Variants in CNNM2 observed in about 807,000 individuals in gnomAD.
CNNM2 encodes the protein cyclin and CBS domain divalent metal cation transport mediator 2.
A neutral mutation model predicts 66.9 loss-of-function variants in CNNM2; 12 were observed. The observed-to-expected ratio is 0.18, with a 90% CI of 0.11 to 0.29. The LOEUF is 0.29. Ranked by LOEUF, CNNM2 falls within the 10% of genes least tolerant of loss-of-function variation. CNNM2 has a pLI of 1.00. For synonymous variants in CNNM2, 557 were observed against 501.8 expected (o/e 1.11, Z -1.47); for missense variants, 705 against 1,167.7 (o/e 0.60, Z 5.77).
Position 103,081,763 on chromosome 10 carries a change from T to C in CNNM2, c.*4583T>C, listed in dbSNP as rs1291598058. The C allele has an allele frequency of 6.6e-6, 1 of 152,216 alleles. No homozygotes were observed. The highest frequency in any genetic ancestry group is 2.4e-5 in the African/African-American group (1 of 41,446). 9.4% of individuals were successfully genotyped at this position (152,216 alleles called of 1,614,324 possible). The stretch of plus-strand genomic sequence containing the variant: ...GCCCATTTCCCTTTTGCTACCTTCT[T>C]TCCTATCTGGAGATTCATATTCTAG... On this transcript the variant is annotated 3_prime_UTR_variant, in exon 8 of 8. Coordinates refer to ENST00000369878, the MANE Select transcript of CNNM2 (RefSeq NM_017649.5).
At chr10:103,027,742 T>C (rs2064734733) in intron 1 of CNNM2, among the ~76,000 whole-genome samples, 1 of 152,230 alleles carries the variant, frequency 6.6e-6, no homozygotes, top group South Asian at 2.1e-4. Flanking sequence ...ACATTTGAGA[T>C]GATTTTTAGC....
chr10:102,986,168 G>T (rs1241014400), intron 1 of CNNM2, among the ~76,000 whole-genome samples: 1 of 152,104 alleles, frequency 6.6e-6, no homozygotes, highest in Non-Finnish European at 1.5e-5. Context: ...TGTGTAAAAG[G>T]CTTAGGGTAG....
chr10:103,076,337 T>A, intron 7 of CNNM2, 67 bp downstream of exon 7: 1 of 1,493,894 alleles, frequency 6.7e-7, no homozygotes, highest in Non-Finnish European at 9.1e-7. Context: ...GCAAATTGTC[T>A]GTTTTGCTCC....
chr10:102,952,176 A>C (rs1846863433), intron 1 of CNNM2, among the ~76,000 whole-genome samples: 1 of 151,694 alleles, frequency 6.6e-6, no homozygotes, highest in Non-Finnish European at 1.5e-5. Context: ...CCTGGGCTCA[A>C]ACAGTCGTCC....
At chr10:102,944,572 G>A (rs981480362) in intron 1 of CNNM2, among the ~76,000 whole-genome samples, 4 of 135,636 alleles carry the variant, frequency 2.9e-5, no homozygotes, top group Non-Finnish European at 4.7e-5. Flanking sequence ...TGCCATATTT[G>A]TATCTTTTCG....
intron 1 of CNNM2, among the ~76,000 whole-genome samples, chr10:102,971,408 GTTTTT>G (rs1193918638): frequency 6.6e-6 from 1 of 151,970 alleles, no homozygotes; most frequent in Non-Finnish European, 1.5e-5. Context: ...TTGTTTATTG[GTTTTT>G]TTAAGTGCCC....
At position 103,089,030 on chromosome 10, in the gene CNNM2, A is replaced by AAGGTAATAAGGATACTGTCTT. The variant is rs1448052750; in HGVS notation, c.*11851_*11871dup. ...AGCATTTGTGCTATTAAACAAACAAAAGGTAATAAGGATACTGTCTTTTCC... is the reference window on the plus strand; with the variant it reads ...AGCATTTGTGCTATTAAACAAACAAAAGGTAATAAGGATACTGTCTTAGGTAATAAGGATACTGTCTTTTCC... On this transcript the variant is annotated 3_prime_UTR_variant, in exon 8 of 8. Coordinates refer to ENST00000369878, the MANE Select transcript of CNNM2 (RefSeq NM_017649.5). 4.7e-6 allele frequency: 1 copy of AAGGTAATAAGGATACTGTCTT among 214,642 alleles called. No homozygotes were observed. Among genetic ancestry groups the AAGGTAATAAGGATACTGTCTT allele is most frequent in the Non-Finnish European group, 9.4e-6 (1 of 106,380 alleles). The allele number at this position is 214,642 out of a possible 1,614,324, so 13.3% of individuals were successfully genotyped here. A position where few individuals can be genotyped will look rare whatever the true frequency, so the allele number is the denominator to read the frequency against.
At chr10:103,037,612 A>G (rs1183970199) in intron 1 of CNNM2, among the ~76,000 whole-genome samples, 1 of 152,224 alleles carries the variant, frequency 6.6e-6, no homozygotes, top group Admixed American at 6.5e-5. Flanking sequence ...GATAGATAGC[A>G]TAGCCTCAAA....
intron 1 of CNNM2, among the ~76,000 whole-genome samples, chr10:103,003,890 A>G (rs566393057): frequency 6.6e-5 from 10 of 150,732 alleles, no homozygotes; most frequent in African/African-American, 2.4e-4. Context: ...TACAAGGTGT[A>G]TTCTTCTGAT....
At chr10:102,935,158 CAAA>C (rs71753183) in intron 1 of CNNM2, among the ~76,000 whole-genome samples, 9 of 82,480 alleles carry the variant, frequency 1.1e-4, no homozygotes, top group East Asian at 3.3e-4. Context: ...GACTCCATCT[CAAA>C]AAAAAAAAAA....
chr10:103,020,876 A>AT (rs1407348399), intron 1 of CNNM2, among the ~76,000 whole-genome samples: 1 of 152,178 alleles, frequency 6.6e-6, no homozygotes, highest in Non-Finnish European at 1.5e-5. Context: ...ATCTGTAAAG[A>AT]TATAGGTATT....
intron 1 of CNNM2, among the ~76,000 whole-genome samples, chr10:103,043,973 G>T (rs933265126): frequency 6.6e-6 from 1 of 152,170 alleles, no homozygotes; most frequent in Non-Finnish European, 1.5e-5. Flanking sequence ...CTTACAGCTT[G>T]CAAGAAAGGG....
chr10:102,956,149 G>A (rs1257593466), intron 1 of CNNM2, among the ~76,000 whole-genome samples: 5 of 152,168 alleles, frequency 3.3e-5, no homozygotes, highest in South Asian at 2.1e-4. Context: ...TTAGCCGGGC[G>A]TGGTGGCGGG....
intron 1 of CNNM2, among the ~76,000 whole-genome samples, chr10:102,975,102 C>G (rs1317547463): frequency 6.6e-6 from 1 of 152,112 alleles, no homozygotes; most frequent in East Asian, 1.9e-4. Context: ...AATTTAAAGA[C>G]TAATTTGCAG....
intron 1 of CNNM2, among the ~76,000 whole-genome samples, chr10:103,039,757 G>A (rs2065007129): frequency 1.3e-5 from 2 of 152,250 alleles, no homozygotes; most frequent in East Asian, 3.9e-4. Flanking sequence ...TATAAGGGCT[G>A]ACCCCTTCTT....
At chr10:103,055,157 C>T (rs1219319964) in intron 3 of CNNM2, among the ~76,000 whole-genome samples, 1 of 152,138 alleles carries the variant, frequency 6.6e-6, no homozygotes, top group African/African-American at 2.4e-5. Context: ...AGATACTGAC[C>T]AACCCTTCTC....
intron 1 of CNNM2, among the ~76,000 whole-genome samples, chr10:102,949,381 G>C (rs1425342509): frequency 1.3e-5 from 2 of 151,812 alleles, no homozygotes; most frequent in South Asian, 2.1e-4. Flanking sequence ...CTCCATGTTG[G>C]TCAGGCTGAT....
At position 103,089,977 on chromosome 10, in the gene CNNM2, CCT is replaced by C. The variant is rs761220668; in HGVS notation, c.*12801_*12802del. The C allele has an allele frequency of 3.1e-6, 4 of 1,298,224 alleles. No individual in the cohort carries two copies. The highest frequency in any genetic ancestry group is 2.4e-5 in the East Asian group (1 of 41,954). The allele number at this position is 1,298,224 out of a possible 1,614,324, so 80.4% of individuals were successfully genotyped here. ...AGTAGCTACTCCCCAAATCCTAACCCCTCTCCTCTGTTAGGTGGCCATGCAAT... is the reference window on the plus strand; with the variant it reads ...AGTAGCTACTCCCCAAATCCTAACCCCTCCTCTGTTAGGTGGCCATGCAAT... On this transcript the variant is annotated 3_prime_UTR_variant, in exon 8 of 8. Transcript: ENST00000369878.
At position 103,083,291 on chromosome 10, in the gene CNNM2, TATTTA is replaced by T. The variant is rs2065774379; in HGVS notation, c.*6112_*6116del. ...AATGATGTAGATGTACAGTCTCTCC[TATTTA>T]TTTTGTACCAATTTATTTGTAAATT... On this transcript the variant is annotated 3_prime_UTR_variant, in exon 8 of 8. Transcript: ENST00000369878. The T allele has an allele frequency of 6.6e-6, 1 of 152,074 alleles. No homozygotes were observed. Among genetic ancestry groups the T allele is most frequent in the African/African-American group, 2.4e-5 (1 of 41,382 alleles). The allele number at this position is 152,074 out of a possible 1,614,324, so 9.4% of individuals were successfully genotyped here.
Sources: allele counts gnomAD v4.1 joint callset (sites outside exome capture counted in the v4.1 genomes callset), GRCh38; gene constraint gnomAD v4.1.1; transcripts MANE v1.5; gene names NCBI Gene and HGNC (gene_info 2026-07-23, HGNC 2026-07-21).